NUP58: variants seen among roughly 807,000 people sequenced by gnomAD.
NUP58 encodes nucleoporin p58/p45.
NUP58 carries 17 observed loss-of-function variants against 70.1 expected under a neutral mutation model. The ratio of observed to expected loss-of-function variants is 0.24; its 90% CI spans 0.17 to 0.36. The LOEUF (loss-of-function observed/expected upper bound fraction) is 0.36. NUP58 is among the 10% of genes least tolerant of loss of function. The pLI is 1.00. For synonymous variants in NUP58, 275 were observed against 257.6 expected (o/e 1.07, Z -0.65); for missense variants, 644 against 701.5 (o/e 0.92, Z 0.93).
intron 13 of NUP58, chr13:25,332,424 G>A (rs2031640863): frequency 1.0e-6 from 1 of 984,364 alleles, no homozygotes; most frequent in Non-Finnish European, 1.2e-6. Context: ...AGTCTTAATC[G>A]ATATTGATTT....
downstream of NUP58, among the ~76,000 whole-genome samples, chr13:25,343,890 C>CTGTTA (rs57720709): frequency 0.63 from 94,515 of 149,028 alleles, 30,353 homozygotes; most frequent in East Asian, 0.86. Context: ...CAACTATTCT[C>CTGTTA]TGGATGGTTA....
chr13:25,302,186 C>T (rs1410871971), intron 1 of NUP58, among the ~76,000 whole-genome samples: 1 of 152,178 alleles, frequency 6.6e-6, no homozygotes, highest in Non-Finnish European at 1.5e-5. Context: ...GGGTCTACCC[C>T]GGAGCTTTAG....
Position 25,320,997 on chromosome 13 carries a change from A to T in NUP58, c.855A>T (p.Glu285Asp), listed in dbSNP as rs2031157695. 6.2e-7 allele frequency: 1 copy of T among 1,600,994 alleles called. No homozygotes were observed. Among genetic ancestry groups the T allele is most frequent in the Admixed American group, 1.8e-5 (1 of 57,084 alleles). ...CAAAAGCAATGCTTAAGGTACAAGA[A>T]GATATTAAAGCTCTGAAGCAGCTCC... Reference protein sequence around the residue: ...MSSKAMLKVQEDIKALKQLLS... With the variant: ...MSSKAMLKVQDDIKALKQLLS... Residue 285 changes from glutamate (E) to aspartate (D), a missense_variant, in exon 9 of 16, where the codon GAA (glutamate) becomes GAT (aspartate). Physicochemically the swap from Glu to Asp is conservative, Grantham distance 45. Around this residue, in one of 4 missense-constraint regions of NUP58, gnomAD observed 430 missense variants for 409.2 expected, o/e 1.05. Coordinates refer to ENST00000381736, the MANE Select transcript of NUP58 (RefSeq NM_014089.4).
intron 1 of NUP58, 104 bp from the exon 2 acceptor site, chr13:25,307,702 T>C: frequency 9.1e-7 from 1 of 1,098,100 alleles, no homozygotes; most frequent in Non-Finnish European, 1.3e-6. Flanking sequence ...GTGAATGAAA[T>C]TATCTTGAAG....
rs780926026 is a variant in NUP58, at chr13:25,313,761, G to C, written c.574+10G>C. The C allele has an allele frequency of 1.3e-6, 2 of 1,515,734 alleles. No homozygotes were observed. Among genetic ancestry groups the C allele is most frequent in the South Asian group, 2.7e-5 (2 of 72,828 alleles). 93.9% of individuals were successfully genotyped at this position (1,515,734 alleles called of 1,614,324 possible). On this transcript the variant is annotated intron_variant, in intron 5 of 15. Transcript: ENST00000381736. ...AACACAGGAACATCAGGTAATTGAT[G>C]GTATTTATTCTCCAGAATAGTAAAT...
intron 13 of NUP58, chr13:25,332,000 C>T (rs1488735930): frequency 1.5e-5 from 15 of 1,013,992 alleles, no homozygotes; most frequent in Non-Finnish European, 1.8e-5. Context: ...TACAAAGTAC[C>T]CACATTCAGG....
downstream of NUP58, among the ~76,000 whole-genome samples, chr13:25,342,881 CTTTTTCCCTTCTATTAG>C (rs897657915): frequency 8.6e-5 from 13 of 151,818 alleles, no homozygotes; most frequent in Admixed American, 7.9e-4. Flanking sequence ...TGGACTTGTT[CTTTTTCCCTTCTATTAG>C]TATATCATCA....
At chr13:25,308,708 T>C (rs991779739) in intron 2 of NUP58, among the ~76,000 whole-genome samples, 5 of 152,320 alleles carry the variant, frequency 3.3e-5, no homozygotes, top group Non-Finnish European at 7.4e-5. Context: ...TTCAAAACAA[T>C]AGAAAGTTTT....
chr13:25,316,609 A>G (rs1264176046), intron 6 of NUP58, among the ~76,000 whole-genome samples: 1 of 152,168 alleles, frequency 6.6e-6, no homozygotes, highest in African/African-American at 2.4e-5. Flanking sequence ...GTTTTTACTT[A>G]GTTTTCTCTG....
In NUP58 at chr13:25,331,341, TTTA is replaced by T. The variant is rs753994780; in HGVS notation, c.1234-10_1234-8del. On this transcript the variant is annotated splice_polypyrimidine_tract_variant and intron_variant, in intron 12 of 15. Transcript: ENST00000381736. ...TGTGAAACTTCATTTAGCCGTTTTGTTTATTATTCTTTTAGGTTCTGAAAGAAC... is the reference window on the plus strand; with the variant it reads ...TGTGAAACTTCATTTAGCCGTTTTGTTTATTCTTTTAGGTTCTGAAAGAAC... 2.5e-6 allele frequency: 4 copies of T among 1,608,624 alleles called. No homozygotes were observed. In the African/African-American group the frequency reaches 4.1e-5, roughly 17 times the overall value.
At chr13:25,315,727 T>C (rs889537502) in intron 6 of NUP58, among the ~76,000 whole-genome samples, 2 of 152,234 alleles carry the variant, frequency 1.3e-5, no homozygotes, top group Admixed American at 6.5e-5. Context: ...CTGCTTAATA[T>C]CAGTTTTATG....
At chr13:25,319,496 A>G (rs2031088392) in intron 7 of NUP58, 146 bp downstream of exon 7, 2 of 662,972 alleles carry the variant, frequency 3.0e-6, no homozygotes, top group East Asian at 2.5e-5. Context: ...AAGTAAAATA[A>G]TAGACGTATG....
At chr13:25,344,497 A>G (rs1337228766), downstream of NUP58, among the ~76,000 whole-genome samples, 1 of 152,218 alleles carries the variant, frequency 6.6e-6, no homozygotes, top group African/African-American at 2.4e-5. Flanking sequence ...TATACCTGAT[A>G]GGAAGCTGCT....
chr13:25,331,683 C>G (rs745791218), intron 13 of NUP58, 125 bp downstream of exon 13: 42 of 1,468,906 alleles, frequency 2.9e-5, no homozygotes, highest in Non-Finnish European at 3.7e-5. Flanking sequence ...CCAATACAAT[C>G]TAAAATTGTG....
chr13:25,312,648 G>A (rs185696876), intron 3 of NUP58, among the ~76,000 whole-genome samples: 8 of 152,216 alleles, frequency 5.3e-5, no homozygotes, highest in African/African-American at 9.6e-5. Flanking sequence ...GATCACAGGC[G>A]TGAGCCACTG....
chr13:25,319,625 T>C (rs1365120146), intron 7 of NUP58, among the ~76,000 whole-genome samples: 1 of 152,146 alleles, frequency 6.6e-6, no homozygotes, highest in Non-Finnish European at 1.5e-5. Flanking sequence ...TATGTGTGTT[T>C]ATTTCTTTAG....
At chr13:25,326,538 A>G (rs2031400829) in intron 10 of NUP58, among the ~76,000 whole-genome samples, 1 of 152,170 alleles carries the variant, frequency 6.6e-6, no homozygotes, top group Non-Finnish European at 1.5e-5. Context: ...CTTACAGAAA[A>G]CTTCCAAAAT....
At position 25,315,379 on chromosome 13, in the gene NUP58, G is replaced by C. The variant is rs1321612050; in HGVS notation, c.597G>C (p.Gly199=). 6.2e-7 allele frequency: 1 copy of C among 1,613,778 alleles called. No individual in the cohort carries two copies. Among genetic ancestry groups the C allele is most frequent in the South Asian group, 1.1e-5 (1 of 91,076 alleles). ...GTSGLGQNAL[G]LTLGTTAATS... ...TAGGACTTGGACAGAATGCTTTAGG[G>C]TTGACTTTGGGAACTACAGCAGCTA... The change falls in exon 6 of 16, where the codon GGG becomes GGC. Residue 199 remains glycine (G), a synonymous_variant. Coordinates refer to ENST00000381736, the MANE Select transcript of NUP58 (RefSeq NM_014089.4).
intron 13 of NUP58, chr13:25,335,122 G>GT: frequency 1.0e-6 from 1 of 985,226 alleles, no homozygotes; most frequent in Non-Finnish European, 1.2e-6. Flanking sequence ...TTGCCTACGA[G>GT]TTTTATAAAT....
Sources: allele counts gnomAD v4.1 joint callset (sites outside exome capture counted in the v4.1 genomes callset), GRCh38; gene constraint gnomAD v4.1.1; regional missense constraint gnomAD v4.1.1; transcripts MANE v1.5; gene names NCBI Gene and HGNC (gene_info 2026-07-23, HGNC 2026-07-21).